Variants in MAMDC2 observed in about 807,000 individuals in gnomAD.
MAMDC2 encodes MAM domain-containing protein 2.
A neutral mutation model predicts 89.8 loss-of-function variants in MAMDC2; 57 were observed. The observed-to-expected ratio is 0.63, with a 90% confidence interval of 0.51 to 0.79. The LOEUF is 0.79. Ranked by LOEUF, MAMDC2 falls within the 30% of genes least tolerant of loss-of-function variation. The pLI, the probability that MAMDC2 is intolerant of heterozygous loss-of-function variation, is 0.00. For missense variants in MAMDC2, 800 were observed against 820.6 expected, an observed-to-expected ratio of 0.97 and a Z score of 0.31; for synonymous variants, 313 against 293.4, an observed-to-expected ratio of 1.07 and a Z score of -0.68.
At position 70,217,303 on chromosome 9, in the gene MAMDC2, G is replaced by A. The variant is rs1445912025; in HGVS notation, c.1652-1034G>A. 3.2e-5 allele frequency: 43 copies of A among 1,361,308 alleles called. No homozygotes were observed. In the South Asian group the frequency reaches 3.3e-4, roughly 10 times the overall value. The allele number at this position is 1,361,308 out of a possible 1,614,324, so 84.3% of individuals were successfully genotyped here. On this transcript the variant is annotated intron_variant, in intron 11 of 13. Coordinates refer to ENST00000377182, the MANE Select transcript of MAMDC2 (RefSeq NM_153267.5). ...TTTCGAGTTTCTTAATGCGAAATGCGAGTCGGCATTCCTTTCCAAGAGGAA... is the reference window on the plus strand; with the variant it reads ...TTTCGAGTTTCTTAATGCGAAATGCAAGTCGGCATTCCTTTCCAAGAGGAA...
At chr9:70,094,518 G>A (rs2118191495) in intron 2 of MAMDC2, among the ~76,000 whole-genome samples, 1 of 152,292 alleles carries the variant, frequency 6.6e-6, no homozygotes, top group Non-Finnish European at 1.5e-5. Context: ...TGTGGTGTGA[G>A]TTGCCAGCAA....
chr9:70,167,302 A>G (rs1239075019), intron 9 of MAMDC2, among the ~76,000 whole-genome samples: 1 of 152,234 alleles, frequency 6.6e-6, no homozygotes, highest in Non-Finnish European at 1.5e-5. Flanking sequence ...TTGGATTAAG[A>G]CATTTTATAT....
At chr9:70,197,603 A>G (rs2032998147) in intron 11 of MAMDC2, among the ~76,000 whole-genome samples, 1 of 152,174 alleles carries the variant, frequency 6.6e-6, no homozygotes, top group South Asian at 2.1e-4. Context: ...GAAGGAACGC[A>G]GCATTAAAGT....
chr9:70,050,660 C>T (rs751371665), intron 2 of MAMDC2, among the ~76,000 whole-genome samples: 1 of 152,182 alleles, frequency 6.6e-6, no homozygotes, highest in Admixed American at 6.5e-5. Flanking sequence ...CTTTTATCAA[C>T]ATCATAAACT....
chr9:70,088,347 A>T (rs577838850), intron 2 of MAMDC2: 1 of 152,274 alleles, frequency 6.6e-6, no homozygotes, highest in African/African-American at 2.4e-5. Flanking sequence ...TCGTAGAAGG[A>T]TTCTAACTTT....
rs1828397132 is a variant in MAMDC2 at position 70,108,269 on chromosome 9, A to G, written c.207A>G (p.Leu69=). ...FGKQGEKAVL[L]SPDLQAEEWS... ...AGCAGGGGGAGAAAGCTGTGCTGCTAAGTCCTGACTTACAGGCTGAGGAAT... is the reference window on the plus strand; with the variant it reads ...AGCAGGGGGAGAAAGCTGTGCTGCTGAGTCCTGACTTACAGGCTGAGGAAT... Residue 69 remains leucine, a synonymous_variant, in exon 3 of 14, where the codon CTA becomes CTG. Transcript: ENST00000377182. 6.2e-7 allele frequency: 1 copy of G among 1,613,550 alleles called. No individual in the cohort carries two copies. The highest frequency in any genetic ancestry group is 1.3e-5 in the African/African-American group (1 of 74,902).
chr9:70,064,359 C>T (rs1827216719), intron 2 of MAMDC2, among the ~76,000 whole-genome samples: 1 of 152,084 alleles, frequency 6.6e-6, no homozygotes, highest in Non-Finnish European at 1.5e-5. Context: ...CACTCTTATG[C>T]CTGTGCGTCC....
chr9:70,149,365 G>A (rs1184542838), intron 9 of MAMDC2, among the ~76,000 whole-genome samples: 1 of 152,082 alleles, frequency 6.6e-6, no homozygotes, highest in Non-Finnish European at 1.5e-5. Flanking sequence ...AGGAAAGGAA[G>A]GAAAGGAAGC....
chr9:70,116,844 C>G (rs1034583293), intron 5 of MAMDC2, among the ~76,000 whole-genome samples: 5 of 152,144 alleles, frequency 3.3e-5, no homozygotes, highest in African/African-American at 4.8e-5. Flanking sequence ...TGGTAGGGTG[C>G]TGTCACCCCT....
chr9:70,053,071 C>T (rs559723446), intron 2 of MAMDC2, among the ~76,000 whole-genome samples: 18 of 152,244 alleles, frequency 1.2e-4, no homozygotes, highest in Admixed American at 2.0e-4. Context: ...CTATGGAGAG[C>T]GGGTGTTTCT....
chr9:70,086,692 G>C (rs1355543448), intron 2 of MAMDC2: 2 of 152,098 alleles, frequency 1.3e-5, no homozygotes, highest in Admixed American at 1.3e-4. Flanking sequence ...ACCCTCCAGG[G>C]ATTGAGTTTT....
chr9:70,103,647 C>T (rs1240463966), intron 2 of MAMDC2, among the ~76,000 whole-genome samples: 1 of 151,592 alleles, frequency 6.6e-6, no homozygotes, highest in African/African-American at 2.4e-5. Context: ...TAAACTTCAT[C>T]AAAATTTAAA....
At chr9:70,180,330 G>A (rs1255468153) in intron 11 of MAMDC2, among the ~76,000 whole-genome samples, 1 of 152,164 alleles carries the variant, frequency 6.6e-6, no homozygotes, top group Non-Finnish European at 1.5e-5. Context: ...ACATATGTGT[G>A]CATGTGTCTT....
intron 2 of MAMDC2, among the ~76,000 whole-genome samples, chr9:70,048,759 G>A (rs927581561): frequency 2.6e-5 from 4 of 152,212 alleles, no homozygotes; most frequent in East Asian, 3.8e-4. Flanking sequence ...AGCTGTGGGG[G>A]CAGAGGTCCT....
intron 11 of MAMDC2, among the ~76,000 whole-genome samples, chr9:70,192,989 C>T (rs1428513592): frequency 6.6e-6 from 1 of 151,926 alleles, no homozygotes; most frequent in African/African-American, 2.4e-5. Flanking sequence ...GGATGAGGAC[C>T]CTTACATTGA....
intron 11 of MAMDC2, chr9:70,217,281 C>T (rs983221272): frequency 5.6e-6 from 7 of 1,242,812 alleles, no homozygotes; most frequent in South Asian, 3.6e-5. Context: ...GGAAGGTTTT[C>T]GAGTTTCTTA....
chr9:70,131,973 A>G (rs1213638929), intron 7 of MAMDC2, among the ~76,000 whole-genome samples: 1 of 152,242 alleles, frequency 6.6e-6, no homozygotes, highest in African/African-American at 2.4e-5. Context: ...CAAAGCTCTC[A>G]CAATCTACTG....
intron 11 of MAMDC2, among the ~76,000 whole-genome samples, chr9:70,173,892 A>C (rs187452359): frequency 2.1e-3 from 319 of 152,326 alleles, no homozygotes; most frequent in Non-Finnish European, 3.7e-3. Context: ...AAGTTACTTA[A>C]AATCTCTAAG....
chr9:70,212,467 A>T (rs1291921380), intron 11 of MAMDC2, among the ~76,000 whole-genome samples: 1 of 152,168 alleles, frequency 6.6e-6, no homozygotes, highest in Non-Finnish European at 1.5e-5. Context: ...ATTTGCTAAG[A>T]CTGTTGGAAA....
Sources: allele counts gnomAD v4.1 joint callset (sites outside exome capture counted in the v4.1 genomes callset), GRCh38; gene constraint gnomAD v4.1.1; transcripts MANE v1.5; gene names NCBI Gene and HGNC (gene_info 2026-07-23, HGNC 2026-07-21).